Variants in EYA1 observed in about 807,000 individuals in gnomAD.
EYA1 encodes the protein EYA transcriptional coactivator and phosphatase 1.
Under a neutral mutation model 82.0 loss-of-function variants are expected in EYA1, and 16 were observed. The observed-to-expected ratio is 0.20, with a 90% confidence interval of 0.13 to 0.30. The LOEUF is 0.30. EYA1 is among the 10% of genes least tolerant of loss of function. The pLI, the probability that EYA1 is intolerant of heterozygous loss-of-function variation, is 1.00. For synonymous variants in EYA1, 261 were observed against 264.4 expected, an observed-to-expected ratio of 0.99 and a Z score of 0.12; for missense variants, 633 against 730.7, an observed-to-expected ratio of 0.87 and a Z score of 1.54.
At chr8:71,380,928 C>T (rs2129099991) in intron 2 of EYA1, among the ~76,000 whole-genome samples, 1 of 152,354 alleles carries the variant, frequency 6.6e-6, no homozygotes, top group African/African-American at 2.4e-5. Flanking sequence ...CCTTGTGTTG[C>T]TGGCTCAGAC....
rs571191873 is a variant in EYA1, at chr8:71,223,282, T to C, written c.1141-6259A>G. Among the ~76,000 whole-genome samples the C allele has an allele frequency of 5.9e-5, 9 of 152,296 alleles. No individual in the cohort carries two copies. The South Asian group carries it at 1.9e-3, about 32-fold the overall frequency. On this transcript the variant is annotated intron_variant, in intron 12 of 17. Coordinates refer to ENST00000340726, the MANE Select transcript of EYA1 (RefSeq NM_000503.6). The stretch of plus-strand genomic sequence containing the variant: ...GGCACCAGTCAGAGGTGCGGTGTTG[T>C]GCCCACAGTTACCAGCCTGCAAACC...
intron 2 of EYA1, among the ~76,000 whole-genome samples, chr8:71,418,301 C>G (rs975944779): frequency 1.3e-5 from 2 of 152,148 alleles, no homozygotes; most frequent in African/African-American, 4.8e-5. Flanking sequence ...TTTCACTTTT[C>G]TAGCTACTCT....
chr8:71,236,299 G>C (rs1356197776), intron 12 of EYA1, among the ~76,000 whole-genome samples: 1 of 152,136 alleles, frequency 6.6e-6, no homozygotes, highest in Non-Finnish European at 1.5e-5. Context: ...GACTCCCTAA[G>C]TGCTGAGATT....
intron 2 of EYA1, among the ~76,000 whole-genome samples, chr8:71,423,245 T>C (rs946822980): frequency 6.6e-6 from 1 of 152,192 alleles, no homozygotes; most frequent in Non-Finnish European, 1.5e-5. Context: ...TTCTCAAAGA[T>C]TGAATGTAAA....
chr8:71,406,900 T>A (rs1167651449), intron 2 of EYA1, among the ~76,000 whole-genome samples: 15 of 145,550 alleles, frequency 1.0e-4, no homozygotes, highest in Admixed American at 1.4e-4. Flanking sequence ...CCTGCCTCTG[T>A]AGGCTCCACC....
chr8:71,530,378 CA>C (rs1464485509), intron 2 of EYA1, among the ~76,000 whole-genome samples: 1 of 152,164 alleles, frequency 6.6e-6, no homozygotes, highest in Non-Finnish European at 1.5e-5. Context: ...AACTGTGCAA[CA>C]ATGAATTTCT....
intron 16 of EYA1, among the ~76,000 whole-genome samples, chr8:71,212,435 T>C (rs1452524949): frequency 6.6e-6 from 1 of 152,228 alleles, no homozygotes; most frequent in Non-Finnish European, 1.5e-5. Context: ...TTCGATGTCA[T>C]GAAAGTTTTT....
intron 12 of EYA1, among the ~76,000 whole-genome samples, chr8:71,226,949 C>T (rs1023434486): frequency 7.9e-5 from 12 of 151,940 alleles, no homozygotes; most frequent in African/African-American, 2.9e-4. Flanking sequence ...TAGAATTTTA[C>T]AAATTTGTAT....
intron 2 of EYA1, among the ~76,000 whole-genome samples, chr8:71,452,476 GTGGGTCTCTGACTCCCAAGTACCCTAAC>G (rs1223193744): frequency 1.3e-5 from 2 of 152,208 alleles, no homozygotes; most frequent in African/African-American, 2.4e-5. Flanking sequence ...GCCTCCTCAA[GTGGGTCTCTGACTCCCAAGTACCCTAAC>G]TGGGAGGCAC....
chr8:71,292,701 CA>C, intron 9 of EYA1, among the ~76,000 whole-genome samples: 1 of 151,560 alleles, frequency 6.6e-6, no homozygotes, highest in Non-Finnish European at 1.5e-5. Context: ...GGGAGGATTC[CA>C]GTGGTAATAA....
intron 2 of EYA1, among the ~76,000 whole-genome samples, chr8:71,388,385 G>A (rs1409481478): frequency 1.3e-5 from 2 of 152,132 alleles, no homozygotes; most frequent in East Asian, 1.9e-4. Context: ...GCTTGGGTAC[G>A]ACAATAGAAA....
intron 3 of EYA1, among the ~76,000 whole-genome samples, chr8:71,337,910 C>A (rs1381739289): frequency 6.6e-6 from 1 of 152,170 alleles, no homozygotes; most frequent in African/African-American, 2.4e-5. Context: ...TGGAAGTTAG[C>A]CAACTTCTGT....
At chr8:71,278,574 A>G (rs914498056) in intron 9 of EYA1, among the ~76,000 whole-genome samples, 22 of 152,248 alleles carry the variant, frequency 1.4e-4, no homozygotes, top group Admixed American at 2.0e-4. Context: ...TGAACAGTCC[A>G]AATCCTTTGC....
intron 12 of EYA1, chr8:71,225,340 T>A (rs1426279658): frequency 2.2e-6 from 1 of 456,110 alleles, no homozygotes; most frequent in South Asian, 1.5e-5. Context: ...TTGTAGCCTC[T>A]CCACACTGGC....
At chr8:71,421,364 C>T (rs1163076231) in intron 2 of EYA1, among the ~76,000 whole-genome samples, 1 of 152,128 alleles carries the variant, frequency 6.6e-6, no homozygotes, top group Admixed American at 6.5e-5. Flanking sequence ...CTTCCTTTTA[C>T]AATGAGGAAA....
chr8:71,398,596 G>A (rs1264670845), intron 2 of EYA1, among the ~76,000 whole-genome samples: 25 of 152,216 alleles, frequency 1.6e-4, no homozygotes. Flanking sequence ...CACCAGTGGA[G>A]GCTGAAGAAC....
chr8:71,235,243 G>A (rs1306318740), intron 12 of EYA1, among the ~76,000 whole-genome samples: 2 of 151,940 alleles, frequency 1.3e-5, no homozygotes, highest in Non-Finnish European at 2.9e-5. Context: ...TCATGTCCAT[G>A]CTTAAAACTC....
At chr8:71,346,454 A>ATATC (rs1554561657) in intron 3 of EYA1, among the ~76,000 whole-genome samples, 2 of 134,224 alleles carry the variant, frequency 1.5e-5, no homozygotes, top group African/African-American at 3.1e-5. Context: ...ATATATATAT[A>ATATC]TCTATATATA....
At chr8:71,380,114 T>A (rs1258554180) in intron 2 of EYA1, among the ~76,000 whole-genome samples, 1 of 152,194 alleles carries the variant, frequency 6.6e-6, no homozygotes, top group Non-Finnish European at 1.5e-5. Flanking sequence ...CCTTGCCCAC[T>A]TCTCTCTCCT....
Sources: gnomAD v4.1 joint callset for allele counts (sites outside exome capture counted in the v4.1 genomes callset) on GRCh38, gnomAD v4.1.1 for gene constraint, MANE v1.5 for transcripts, NCBI Gene and HGNC (gene_info 2026-07-23, HGNC 2026-07-21) for gene names.